Variants in JARID2 observed in about 807,000 individuals in gnomAD.
JARID2 encodes the protein jumonji and AT-rich interaction domain containing 2, also known as protein Jumonji.
JARID2 carries 21 observed loss-of-function variants against 125.6 expected under a neutral mutation model. The ratio of observed to expected loss-of-function variants is 0.17; its 90% CI spans 0.12 to 0.24. The LOEUF (loss-of-function observed/expected upper bound fraction) is 0.24. Ranked by LOEUF, JARID2 falls within the 10% of genes least tolerant of loss-of-function variation. The pLI is 1.00. For synonymous variants in JARID2, 736 were observed against 661.6 expected (o/e 1.11, Z -1.73); for missense variants, 1,303 against 1,639.6 (o/e 0.79, Z 3.55).
chr6:15,375,153 T>C (rs1265031218), intron 2 of JARID2, among the ~76,000 whole-genome samples: 1 of 152,162 alleles, frequency 6.6e-6, no homozygotes, highest in African/African-American at 2.4e-5. Flanking sequence ...CTTAGTTGTA[T>C]GGTGAGTTGT....
intron 1 of JARID2, among the ~76,000 whole-genome samples, chr6:15,289,057 A>G (rs1046094211): frequency 1.3e-5 from 2 of 152,122 alleles, no homozygotes; most frequent in East Asian, 1.9e-4. Context: ...CAGCACAGAC[A>G]AATGAATGAT....
intron 1 of JARID2, among the ~76,000 whole-genome samples, chr6:15,255,034 A>G (rs1038176132): frequency 6.6e-6 from 1 of 151,842 alleles, no homozygotes; most frequent in Non-Finnish European, 1.5e-5. Flanking sequence ...ACAAAAAAAA[A>G]ACACCACAAA....
At chr6:15,445,921 ATTC>A (rs1281563972) in intron 3 of JARID2, among the ~76,000 whole-genome samples, 1 of 152,136 alleles carries the variant, frequency 6.6e-6, no homozygotes. Context: ...ACACAGTTTT[ATTC>A]TTAACGAAAC....
At chr6:15,283,401 C>G (rs897551820) in intron 1 of JARID2, among the ~76,000 whole-genome samples, 10 of 145,452 alleles carry the variant, frequency 6.9e-5, no homozygotes, top group South Asian at 2.2e-4. Context: ...AGCACAATAG[C>G]GTGATCGCGG....
chr6:15,261,586 C>G (rs1182149852), intron 1 of JARID2, among the ~76,000 whole-genome samples: 1 of 152,156 alleles, frequency 6.6e-6, no homozygotes. Context: ...TCCCAAAGTG[C>G]TGGGATTACA....
chr6:15,507,480 C>A, intron 11 of JARID2, 64 bp downstream of exon 11: 1 of 1,417,128 alleles, frequency 7.1e-7, no homozygotes, highest in Non-Finnish European at 9.9e-7. Flanking sequence ...TGCTGAGAAC[C>A]AGGGCTGGGA....
Position 15,513,294 on chromosome 6 carries a change from G to T in JARID2, c.3322G>T (p.Ala1108Ser), listed in dbSNP as rs753217768. 2 of 1,598,388 alleles carry T rather than the reference G, an allele frequency of 1.3e-6. No homozygotes were observed. Among genetic ancestry groups the T allele is most frequent in the Admixed American group, 1.8e-5 (1 of 55,988 alleles). Reference sequence around the variant, plus strand: ...GTTCGAGGCTGGCCTCCACTCCTCCGCACGCTATGGCAGCCACGATGGCAG... The same window carrying T: ...GTTCGAGGCTGGCCTCCACTCCTCCTCACGCTATGGCAGCCACGATGGCAG... ...QLFEAGLHSS[A>S]RYGSHDGSST... The change falls in exon 16 of 18, where the codon GCA becomes TCA. Residue 1108 changes from alanine (A) to serine (S), a missense_variant. Ala to Ser is a moderately conservative substitution (Grantham distance 99). Coordinates refer to ENST00000341776, the MANE Select transcript of JARID2 (RefSeq NM_004973.4).
intron 2 of JARID2, among the ~76,000 whole-genome samples, chr6:15,389,232 C>T (rs1176656629): frequency 6.6e-6 from 1 of 152,184 alleles, no homozygotes; most frequent in African/African-American, 2.4e-5. Flanking sequence ...ACGATCTCAG[C>T]TCACTGCAGC....
In JARID2 at chr6:15,416,976, A is replaced by G. The variant is rs537380718; in HGVS notation, c.323+6611A>G. Among the ~76,000 whole-genome samples the G allele has an allele frequency of 3.3e-5, 5 of 152,274 alleles. No homozygotes were observed. In the South Asian group the frequency reaches 1.0e-3, roughly 32 times the overall value. ...TCAGAAACTCTTTGGAAGGATGGTT[A>G]TGGAGGTGAGGATTATTTGTTTGAG... On this transcript the variant is annotated intron_variant, in intron 3 of 17. Transcript: ENST00000341776.
At chr6:15,457,083 A>C (rs1768216909) in intron 4 of JARID2, among the ~76,000 whole-genome samples, 1 of 152,110 alleles carries the variant, frequency 6.6e-6, no homozygotes, top group Non-Finnish European at 1.5e-5. Context: ...ATTTTTCCTG[A>C]AATGATATTG....
rs191248145 is a variant in JARID2 at position 15,395,134 on chromosome 6, C to T, written c.182-15090C>T. On this transcript the variant is annotated intron_variant, in intron 2 of 17. Transcript: ENST00000341776. ...TTAATTTCTAGAAATTACTGGATTA[C>T]AGATTTGTTAACCTCCATTTCCAGG... 4.4e-3 allele frequency among the ~76,000 whole-genome samples: 673 copies of T among 152,252 alleles called. 6 individuals are homozygous for T. Among genetic ancestry groups the T allele is most frequent in the African/African-American group, 0.016 (648 of 41,536 alleles).
rs1561904565 is a variant in JARID2, at chr6:15,496,631, G to T, written c.1406G>T (p.Gly469Val). ...AAAGGGGCGGCTGGCCCCGCCGAAGGCCCTGGCAAGAAGGCCCCGGCCGAG... is the reference window on the plus strand; with the variant it reads ...AAAGGGGCGGCTGGCCCCGCCGAAGTCCCTGGCAAGAAGGCCCCGGCCGAG... ...KMKGAAGPAE[G>V]PGKKAPAERG... Residue 469 changes from glycine (G) to valine (V), a missense_variant, in exon 7 of 18, where the codon GGC (glycine) becomes GTC (valine). Physicochemically the swap from Gly to Val is moderately radical, Grantham distance 109 (BLOSUM62 -3). Coordinates refer to ENST00000341776, the MANE Select transcript of JARID2 (RefSeq NM_004973.4). The T allele has an allele frequency of 1.2e-6, 2 of 1,610,162 alleles. No homozygotes were observed. The highest frequency in any genetic ancestry group is 2.2e-5 in the South Asian group (2 of 90,806).
chr6:15,378,972 A>G (rs1417872202), intron 2 of JARID2, among the ~76,000 whole-genome samples: 6 of 152,184 alleles, frequency 3.9e-5, no homozygotes, highest in Non-Finnish European at 8.8e-5. Flanking sequence ...GGGGTCGGGT[A>G]TCTGATGCCT....
At chr6:15,447,087 G>C (rs1767705809) in intron 3 of JARID2, among the ~76,000 whole-genome samples, 1 of 152,064 alleles carries the variant, frequency 6.6e-6, no homozygotes, top group African/African-American at 2.4e-5. Context: ...GAACTTATTT[G>C]AACTTTGTAG....
intron 4 of JARID2, among the ~76,000 whole-genome samples, chr6:15,453,256 C>T (rs955945424): frequency 7.2e-5 from 11 of 152,316 alleles, no homozygotes; most frequent in African/African-American, 2.6e-4. Flanking sequence ...TAGGCGATGC[C>T]ATTAATTGTC....
Position 15,371,862 on chromosome 6 carries a change from A to T in JARID2, c.46-2255A>T, listed in dbSNP as rs752542207. 9.2e-5 allele frequency among the ~76,000 whole-genome samples: 14 copies of T among 152,150 alleles called. 1 individual carries two copies. The highest frequency in any genetic ancestry group is 2.1e-4 in the Non-Finnish European group (14 of 68,028). On this transcript the variant is annotated intron_variant, in intron 1 of 17. Transcript: ENST00000341776. ...TGTTTTGGCTGTCTTGGGAGAGCGG[A>T]CAGGAAGACTGGATGTACCTCCTTC...
At chr6:15,272,513 CAG>C (rs1760336746) in intron 1 of JARID2, among the ~76,000 whole-genome samples, 1 of 152,234 alleles carries the variant, frequency 6.6e-6, no homozygotes, top group African/African-American at 2.4e-5. Context: ...ATGCTTTACA[CAG>C]ACAGCATTTT....
intron 2 of JARID2, among the ~76,000 whole-genome samples, chr6:15,391,930 C>A (rs1215521484): frequency 6.6e-6 from 1 of 152,068 alleles, no homozygotes; most frequent in Non-Finnish European, 1.5e-5. Context: ...GATGCTTTTG[C>A]AGAATGTGGA....
intron 1 of JARID2, chr6:15,248,286 C>T: frequency 6.4e-6 from 1 of 156,184 alleles, no homozygotes; most frequent in Non-Finnish European, 1.3e-5. Context: ...CGCGCGCGGC[C>T]TATAGGGGGC....
Sources: gnomAD v4.1 joint callset for allele counts (sites outside exome capture counted in the v4.1 genomes callset) on GRCh38, gnomAD v4.1.1 for gene constraint, MANE v1.5 for transcripts, NCBI Gene and HGNC (gene_info 2026-07-23, HGNC 2026-07-21) for gene names.